Variants in RETREG1 observed in about 807,000 individuals in gnomAD.
RETREG1 encodes reticulophagy regulator 1.
Under a neutral mutation model 54.8 loss-of-function variants are expected in RETREG1, and 44 were observed. The ratio of observed to expected loss-of-function variants is 0.80; its 90% confidence interval spans 0.63 to 1.03. The LOEUF (loss-of-function observed/expected upper bound fraction) is 1.03, where lower values mean the gene tolerates loss of function less well. Ranked by LOEUF, RETREG1 falls within the 50% of genes least tolerant of loss-of-function variation. The pLI, the probability that RETREG1 is intolerant of heterozygous loss-of-function variation, is 0.00. For synonymous variants in RETREG1, 217 were observed against 238.5 expected, an observed-to-expected ratio of 0.91 and a Z score of 0.83; for missense variants, 554 against 605.1, an observed-to-expected ratio of 0.92 and a Z score of 0.89.
At chr5:16,527,799 A>G (rs1011045636) in intron 3 of RETREG1, among the ~76,000 whole-genome samples, 25 of 44,704 alleles carry the variant, frequency 5.6e-4, no homozygotes, top group Admixed American at 2.5e-4. Flanking sequence ...GAGGGACTCT[A>G]ATTTTTTTTT....
intron 3 of RETREG1, among the ~76,000 whole-genome samples, chr5:16,562,521 T>C (rs1302868920): frequency 1.3e-5 from 2 of 152,072 alleles, no homozygotes; most frequent in African/African-American, 4.8e-5. Flanking sequence ...AGATCTTAAG[T>C]CAGTTTCCCC....
At chr5:16,587,989 C>T (rs986098552) in intron 1 of RETREG1, among the ~76,000 whole-genome samples, 4 of 152,160 alleles carry the variant, frequency 2.6e-5, no homozygotes, top group Admixed American at 6.5e-5. Context: ...TGTTCCTTGC[C>T]AAGTTCCTGG....
chr5:16,475,388 C>G (rs1738495594), intron 8 of RETREG1, among the ~76,000 whole-genome samples, 154 bp from the exon 9 acceptor site: 1 of 152,102 alleles, frequency 6.6e-6, no homozygotes, highest in South Asian at 2.1e-4. Context: ...TAACCACATA[C>G]TGAACTCCTC....
chr5:16,558,035 T>TA (rs1741758994), intron 3 of RETREG1, among the ~76,000 whole-genome samples: 4 of 143,060 alleles, frequency 2.8e-5, no homozygotes, highest in African/African-American at 1.0e-4. Flanking sequence ...AAAACAAAAT[T>TA]TAAAAAAAGA....
At chr5:16,614,613 C>T (rs555748694) in intron 1 of RETREG1, among the ~76,000 whole-genome samples, 2 of 149,848 alleles carry the variant, frequency 1.3e-5, no homozygotes, top group African/African-American at 5.1e-5. Context: ...AATATGGTGA[C>T]AGCCATCAAA....
chr5:16,517,374 T>C (rs1740395366), intron 3 of RETREG1, among the ~76,000 whole-genome samples: 1 of 152,238 alleles, frequency 6.6e-6, no homozygotes, highest in Non-Finnish European at 1.5e-5. Flanking sequence ...AAGGCAGGGA[T>C]GTTCTTGTTT....
intron 1 of RETREG1, among the ~76,000 whole-genome samples, chr5:16,586,249 T>A (rs1041510427): frequency 6.6e-6 from 1 of 152,196 alleles, no homozygotes; most frequent in Non-Finnish European, 1.5e-5. Context: ...GAAATCTTTG[T>A]GTCTTTTATC....
Position 16,616,513 on chromosome 5 carries a change from T to C in RETREG1, c.320+139A>G, listed in dbSNP as rs1012548851. On this transcript the variant is annotated intron_variant, in intron 1 of 8. Coordinates refer to ENST00000306320, the MANE Select transcript of RETREG1 (RefSeq NM_001034850.3). ...TGAGTGTCTACCTGTTCGAGACAGG[T>C]GGCCGAGAAAGTGGGGCAGGGCTGA... is the stretch of plus-strand genomic sequence containing the variant. The C allele has an allele frequency of 4.3e-6, 6 of 1,408,144 alleles. No individual in the cohort carries two copies. In the Admixed American group the frequency reaches 1.4e-4, roughly 33 times the overall value. The allele number at this position is 1,408,144 out of a possible 1,614,324, so 87.2% of individuals were successfully genotyped here.
intron 4 of RETREG1, 114 bp downstream of exon 4, chr5:16,483,232 T>C: frequency 8.1e-7 from 1 of 1,229,608 alleles, no homozygotes; most frequent in Non-Finnish European, 1.2e-6. Flanking sequence ...GCATATGTTC[T>C]TAGTATATTA....
At chr5:16,564,570 C>G (rs1174295857) in intron 3 of RETREG1, among the ~76,000 whole-genome samples, 2 of 152,226 alleles carry the variant, frequency 1.3e-5, no homozygotes, top group Admixed American at 1.3e-4. Context: ...CCTTAACCTG[C>G]CTATGCGCAG....
At chr5:16,509,816 A>G (rs1203211286) in intron 3 of RETREG1, among the ~76,000 whole-genome samples, 2 of 151,758 alleles carry the variant, frequency 1.3e-5, no homozygotes, top group East Asian at 1.9e-4. Flanking sequence ...GGGCAACACA[A>G]TGAGACCCCA....
chr5:16,516,461 C>CA (rs1331551042), intron 3 of RETREG1, among the ~76,000 whole-genome samples: 2 of 152,206 alleles, frequency 1.3e-5, no homozygotes, highest in Non-Finnish European at 2.9e-5. Flanking sequence ...GAACTTGCTT[C>CA]AAAATGCAGA....
Position 16,542,610 on chromosome 5 carries a change from C to T in RETREG1, c.458+23153G>A, listed in dbSNP as rs553588373. 6.6e-4 allele frequency among the ~76,000 whole-genome samples: 100 copies of T among 152,250 alleles called. 1 individual carries two copies. The Middle Eastern group carries it at 0.014, about 21-fold the overall frequency. On this transcript the variant is annotated intron_variant, in intron 3 of 8. Coordinates refer to ENST00000306320, the MANE Select transcript of RETREG1 (RefSeq NM_001034850.3). ...AGGTCTACACTTGTCCATCTGTGTA[C>T]TAGGAATCTATAAGGCATCTTCAAA...
rs1023923128 is a variant in RETREG1 at position 16,480,927 on chromosome 5, C to G, written c.670+82G>C. 1.1e-5 allele frequency: 10 copies of G among 892,366 alleles called. No homozygotes were observed. In the African/African-American group the frequency reaches 1.5e-4, roughly 13 times the overall value. The allele number at this position is 892,366 out of a possible 1,614,324, so 55.3% of individuals were successfully genotyped here. On this transcript the variant is annotated intron_variant, in intron 5 of 8. Coordinates refer to ENST00000306320, the MANE Select transcript of RETREG1 (RefSeq NM_001034850.3). ...GTATTATAGTTAAGAACTCATCCCC[C>G]CTCTTCAAACTACAGGTCTGTTGAC...
At chr5:16,577,867 A>G (rs1226698226) in intron 1 of RETREG1, among the ~76,000 whole-genome samples, 14 of 152,118 alleles carry the variant, frequency 9.2e-5, no homozygotes, top group Admixed American at 9.2e-4. Flanking sequence ...ACGATGTAAG[A>G]CGTGTCTTTC....
intron 3 of RETREG1, among the ~76,000 whole-genome samples, chr5:16,513,650 C>G (rs570682564): frequency 2.0e-5 from 3 of 152,230 alleles, no homozygotes; most frequent in Non-Finnish European, 4.4e-5. Context: ...GTCTCTCAGA[C>G]AGAAGAAAGA....
chr5:16,532,309 G>C (rs529399611), intron 3 of RETREG1, among the ~76,000 whole-genome samples: 1 of 152,230 alleles, frequency 6.6e-6, no homozygotes, highest in Non-Finnish European at 1.5e-5. Context: ...GGCAGATCAC[G>C]AGGTCAGGAG....
intron 3 of RETREG1, among the ~76,000 whole-genome samples, chr5:16,529,570 AACAAATCAGAAACACTGTTTTCATAT>A (rs1381052416): frequency 6.6e-6 from 1 of 152,210 alleles, no homozygotes; most frequent in Non-Finnish European, 1.5e-5. Flanking sequence ...GTGGTAATTT[AACAAATCAGAAACACTGTTTTCATAT>A]GTCAACATCT....
chr5:16,607,180 G>A (rs954405442), intron 1 of RETREG1, among the ~76,000 whole-genome samples: 1 of 151,914 alleles, frequency 6.6e-6, no homozygotes, highest in South Asian at 2.1e-4. Flanking sequence ...CATAACATCC[G>A]GCCTTTTCTG....
Sources: gnomAD v4.1 joint callset for allele counts (sites outside exome capture counted in the v4.1 genomes callset) on GRCh38, gnomAD v4.1.1 for gene constraint, MANE v1.5 for transcripts, NCBI Gene and HGNC (gene_info 2026-07-23, HGNC 2026-07-21) for gene names.